ZNF98: variants seen among roughly 807,000 people sequenced by gnomAD.
ZNF98 encodes zinc finger protein 739.
A neutral mutation model predicts 12.8 loss-of-function variants in ZNF98; 8 were observed. That is an observed-to-expected ratio of 0.63 (90% confidence interval 0.37 to 1.13). The LOEUF (loss-of-function observed/expected upper bound fraction) is 1.13. Among genes scored for constraint, ZNF98 ranks in the 50% most tolerant of loss-of-function variants. The probability of loss-of-function intolerance (pLI) is 0.01; values close to 1 mark genes in which losing one functional copy is unlikely to be tolerated. For missense variants in ZNF98, 379 were observed against 666.1 expected (o/e 0.57, Z 4.74); for synonymous variants, 112 against 223.5 (o/e 0.50, Z 4.45).
At chr19:22,393,865 C>T (rs1431431506) in intron 3 of ZNF98, among the ~76,000 whole-genome samples, 1 of 152,088 alleles carries the variant, frequency 6.6e-6, no homozygotes, top group Non-Finnish European at 1.5e-5. Flanking sequence ...AGCTTCTGTA[C>T]AGCTAAAGAA....
intron 1 of ZNF98, among the ~76,000 whole-genome samples, chr19:22,412,938 A>AGT (rs966135892): frequency 6.6e-6 from 1 of 152,066 alleles, no homozygotes; most frequent in African/African-American, 2.4e-5. Flanking sequence ...CTGTAATCCC[A>AGT]CCTACTCAGG....
Position 22,392,725 on chromosome 19 carries a change from G to T in ZNF98, c.510C>A (p.Asn170Lys), listed in dbSNP as rs746210297. The change falls in exon 4 of 4, where the codon AAC becomes AAA. Residue 170 changes from asparagine to lysine, a missense_variant. By Grantham distance (94) the Asn-to-Lys change is moderately conservative. Around this residue, in one of 8 missense-constraint regions of ZNF98, gnomAD observed 223 missense variants for 261.6 expected, o/e 0.85. Coordinates refer to ENST00000357774, the MANE Select transcript of ZNF98 (RefSeq NM_001098626.2). ...VKVFHKFSNS[N>K]RHKIGHTGKK... is the part of the protein sequence containing the mutation. ...TTCCAGTATGTCCTATCTTATGTCT[G>T]TTTGAATTTGAAAATTTATGAAAGA... 4.4e-6 allele frequency: 7 copies of T among 1,605,212 alleles called. No homozygotes were observed. The South Asian group carries it at 7.8e-5, about 18-fold the overall frequency.
chr19:22,397,357 GAGAATATTAGTAAGGGA>G (rs1359978909), intron 3 of ZNF98, among the ~76,000 whole-genome samples: 1 of 152,030 alleles, frequency 6.6e-6, no homozygotes, highest in Non-Finnish European at 1.5e-5. Context: ...AAAATTAAAT[GAGAATATTAGTAAGGGA>G]ATAGAGGACT....
chr19:22,421,946 C>G (rs1568298072), intron 1 of ZNF98, among the ~76,000 whole-genome samples: 1 of 152,334 alleles, frequency 6.6e-6, no homozygotes, highest in African/African-American at 2.4e-5. Context: ...GCGTGCAGAG[C>G]TGCCCAGAGA....
In ZNF98 at chr19:22,392,868, T is replaced by G. The variant is rs1279904981; in HGVS notation, c.367A>C (p.Arg123=). 1.2e-6 allele frequency: 2 copies of G among 1,608,390 alleles called. No individual in the cohort carries two copies. The highest frequency in any genetic ancestry group is 1.7e-5 in the Admixed American group (1 of 58,504). The change falls in exon 4 of 4, where the codon AGA becomes CGA. Residue 123 remains arginine (R), a synonymous_variant. Coordinates refer to ENST00000357774, the MANE Select transcript of ZNF98 (RefSeq NM_001098626.2). The part of the protein sequence containing the change: ...KKCGRENLQL[R]KYCKSMDECK... ...TCATCCATGCTTTTACAGTATTTTCTTAACTGTAAATTTTCACGTCCACAT... is the reference window on the plus strand; with the variant it reads ...TCATCCATGCTTTTACAGTATTTTCGTAACTGTAAATTTTCACGTCCACAT...
chr19:22,394,107 C>T (rs535160511), intron 3 of ZNF98, among the ~76,000 whole-genome samples: 84 of 146,496 alleles, frequency 5.7e-4, no homozygotes, highest in Non-Finnish European at 2.6e-4. Context: ...ACTGGCCATC[C>T]GAGAAATGCA....
intron 2 of ZNF98, 128 bp downstream of exon 2, chr19:22,403,258 T>TAAA (rs375950161): frequency 4.7e-4 from 375 of 795,808 alleles, no homozygotes; most frequent in African/African-American, 2.8e-3. Flanking sequence ...ATCTTGAAGT[T>TAAA]AAAAAAAAAA....
chr19:22,403,239 C>T (rs1599386342), intron 2 of ZNF98, 147 bp downstream of exon 2: 3 of 944,086 alleles, frequency 3.2e-6, no homozygotes, highest in Non-Finnish European at 4.5e-6. Flanking sequence ...TTCTTTTCTA[C>T]ATAGACAAAT....
intron 1 of ZNF98, among the ~76,000 whole-genome samples, chr19:22,413,788 G>A (rs1206931279): frequency 6.9e-6 from 1 of 144,326 alleles, no homozygotes. Context: ...AGAATCGCTT[G>A]AACCCGGGAG....
At chr19:22,409,413 T>C (rs533202994) in intron 1 of ZNF98, among the ~76,000 whole-genome samples, 5 of 152,068 alleles carry the variant, frequency 3.3e-5, no homozygotes, top group East Asian at 1.9e-4. Flanking sequence ...CCAAAAGCAA[T>C]TGCAACAAAA....
At position 22,392,576 on chromosome 19, in the gene ZNF98, T is replaced by C. The variant is rs1969341709; in HGVS notation, c.659A>G (p.Asn220Ser). 6.2e-7 allele frequency: 1 copy of C among 1,612,104 alleles called. No homozygotes were observed. Among genetic ancestry groups the C allele is most frequent in the Non-Finnish European group, 8.5e-7 (1 of 1,178,970 alleles). The change falls in exon 4 of 4, where the codon AAT becomes AGT. Residue 220 changes from asparagine to serine, a missense_variant. Coordinates refer to ENST00000357774, the MANE Select transcript of ZNF98 (RefSeq NM_001098626.2). ...ATGTGTAGAAAGGTTTGAGGCCTCA[T>C]TATAGGCTTTCCCACATTCTTTACA... ...YKCKECGKAY[N>S]EASNLSTHKR...
At chr19:22,421,598 T>G (rs77767868) in intron 1 of ZNF98, among the ~76,000 whole-genome samples, 1 of 152,140 alleles carries the variant, frequency 6.6e-6, no homozygotes, top group Non-Finnish European at 1.5e-5. Context: ...TTTCTAGGCT[T>G]AAAGTGAAAA....
At chr19:22,420,906 T>C (rs1969696514) in intron 1 of ZNF98, among the ~76,000 whole-genome samples, 1 of 152,232 alleles carries the variant, frequency 6.6e-6, no homozygotes, top group South Asian at 2.1e-4. Flanking sequence ...GATTATTCTT[T>C]GCTTTCTTCT....
At chr19:22,405,984 C>A (rs1011099654) in intron 1 of ZNF98, among the ~76,000 whole-genome samples, 2 of 152,134 alleles carry the variant, frequency 1.3e-5, no homozygotes, top group African/African-American at 4.8e-5. Flanking sequence ...GGGCCTGAGT[C>A]CCTAAGGGGA....
chr19:22,414,003 T>G (rs1969610487), intron 1 of ZNF98, among the ~76,000 whole-genome samples: 1 of 151,284 alleles, frequency 6.6e-6, no homozygotes, highest in South Asian at 2.1e-4. Flanking sequence ...TTTGGGAGGC[T>G]GAAGCGGCTG....
chr19:22,412,382 A>G (rs1184334176), intron 1 of ZNF98, among the ~76,000 whole-genome samples: 3 of 152,200 alleles, frequency 2.0e-5, no homozygotes, highest in Non-Finnish European at 4.4e-5. Context: ...AAATGAGAAC[A>G]AAGATACAAC....
At chr19:22,395,194 A>AG (rs1476860156) in intron 3 of ZNF98, among the ~76,000 whole-genome samples, 9 of 151,160 alleles carry the variant, frequency 6.0e-5, no homozygotes, top group East Asian at 1.9e-4. Flanking sequence ...AAAAAAAAAA[A>AG]AAAGAAAAGA....
At chr19:22,400,764 C>A (rs1288341533) in intron 3 of ZNF98, among the ~76,000 whole-genome samples, 3 of 151,638 alleles carry the variant, frequency 2.0e-5, no homozygotes, top group Non-Finnish European at 4.4e-5. Context: ...ACCAGCCTGG[C>A]CAACATGGTG....
At chr19:22,404,700 A>G (rs183606444) in intron 1 of ZNF98, among the ~76,000 whole-genome samples, 100 of 152,354 alleles carry the variant, frequency 6.6e-4, no homozygotes, top group Admixed American at 2.6e-4. Flanking sequence ...CATTGGTTTT[A>G]TGCAAAGTTC....
Sources: allele counts gnomAD v4.1 joint callset (sites outside exome capture counted in the v4.1 genomes callset), GRCh38; gene constraint gnomAD v4.1.1; regional missense constraint gnomAD v4.1.1; transcripts MANE v1.5; gene names NCBI Gene and HGNC (gene_info 2026-07-23, HGNC 2026-07-21).